AGK: variants seen among roughly 807,000 people sequenced by gnomAD.
The protein encoded by AGK is acylglycerol kinase, also known as acylglycerol kinase, mitochondrial.
In AGK, 52 loss-of-function variants were observed where a neutral mutation model predicts 66.4. That is an observed-to-expected ratio of 0.78 (90% confidence interval 0.63 to 0.99). AGK has a LOEUF of 0.99. Among genes scored for constraint, AGK ranks in the 50% least tolerant of loss-of-function variants. The pLI is 0.00. For missense variants in AGK, 451 were observed against 506.6 expected, an observed-to-expected ratio of 0.89 and a Z score of 1.05; for synonymous variants, 182 against 181.1, an observed-to-expected ratio of 1.00 and a Z score of -0.04.
chr7:141,615,175 A>G (rs1226738233), intron 7 of AGK, among the ~76,000 whole-genome samples: 2 of 152,242 alleles, frequency 1.3e-5, no homozygotes, highest in African/African-American at 4.8e-5. Flanking sequence ...GCACTAGTGC[A>G]TTGATATATT....
intron 2 of AGK, among the ~76,000 whole-genome samples, chr7:141,579,038 T>C (rs541305721): frequency 6.6e-6 from 1 of 152,152 alleles, no homozygotes; most frequent in South Asian, 2.1e-4. Context: ...GGAGTATGAC[T>C]AGACAGAAGA....
At chr7:141,600,296 A>T (rs1796315984) in intron 4 of AGK, among the ~76,000 whole-genome samples, 1 of 152,122 alleles carries the variant, frequency 6.6e-6, no homozygotes, top group Admixed American at 6.6e-5. Context: ...TGACTTTGAG[A>T]CTATGCCATT....
At chr7:141,630,595 C>T (rs376073627) in intron 9 of AGK, among the ~76,000 whole-genome samples, 7 of 152,234 alleles carry the variant, frequency 4.6e-5, no homozygotes, top group African/African-American at 1.4e-4. Context: ...ATCTCCTTAG[C>T]TCCCCCCACC....
At chr7:141,581,011 A>G (rs774640590) in intron 2 of AGK, among the ~76,000 whole-genome samples, 20 of 151,960 alleles carry the variant, frequency 1.3e-4, no homozygotes, top group Non-Finnish European at 2.5e-4. Context: ...TCCAAAGGCG[A>G]AAGTGTCCAA....
intron 2 of AGK, among the ~76,000 whole-genome samples, chr7:141,586,494 C>T (rs1795997393): frequency 6.6e-6 from 1 of 152,078 alleles, no homozygotes; most frequent in Non-Finnish European, 1.5e-5. Context: ...TACCAAGTAC[C>T]CTCTATCTAC....
chr7:141,564,261 G>C (rs569814799), intron 2 of AGK, among the ~76,000 whole-genome samples: 7 of 152,230 alleles, frequency 4.6e-5, no homozygotes, highest in African/African-American at 1.7e-4. Flanking sequence ...TTGTTCTCAT[G>C]CTTCTAATAA....
chr7:141,649,295 A>C lies in AGK; in HGVS notation c.1008A>C (p.Glu336Asp). Residue 336 changes from glutamate to aspartate, a missense_variant, in exon 14 of 16, where the codon GAA becomes GAC. By Grantham distance (45) the Glu-to-Asp change is conservative. Coordinates refer to ENST00000649286, the MANE Select transcript of AGK (RefSeq NM_018238.4). ...SKEDFLNICIEPDTISKGDFI... is the reference protein window; with the variant it reads ...SKEDFLNICIDPDTISKGDFI... ...AAGATTTTCTGAATATCTGCATTGAACCTGACACCATCAGCAAAGGAGACT... is the reference window on the plus strand; with the variant it reads ...AAGATTTTCTGAATATCTGCATTGACCCTGACACCATCAGCAAAGGAGACT... 6.2e-7 allele frequency: 1 copy of C among 1,613,830 alleles called. No individual in the cohort carries two copies. The highest frequency in any genetic ancestry group is 1.7e-5 in the Admixed American group (1 of 60,016).
At chr7:141,577,899 A>G (rs1217506509) in intron 2 of AGK, among the ~76,000 whole-genome samples, 2 of 149,024 alleles carry the variant, frequency 1.3e-5, no homozygotes, top group African/African-American at 2.5e-5. Context: ...GCTCACTGCA[A>G]CCTCCCAGGT....
chr7:141,650,643 T>A lies in AGK; in HGVS notation c.1047-882T>A, dbSNP rs181378682. 6 of 985,450 alleles carry A rather than the reference T, an allele frequency of 6.1e-6. No individual in the cohort carries two copies. The East Asian group carries it at 5.7e-4, about 93-fold the overall frequency. 61.0% of individuals were successfully genotyped at this position (985,450 alleles called of 1,614,324 possible). ...GTATTTCCACTGCCTAAAAGATACA[T>A]CTGCATGAGGTGGAGTGTGTGTCTG... On this transcript the variant is annotated intron_variant, in intron 14 of 15. Transcript: ENST00000649286.
At chr7:141,600,887 T>C (rs1796325729) in intron 4 of AGK, among the ~76,000 whole-genome samples, 1 of 152,178 alleles carries the variant, frequency 6.6e-6, no homozygotes, top group Non-Finnish European at 1.5e-5. Flanking sequence ...GAATCAAGCA[T>C]TGTTGCCTGA....
rs1373905406 is a variant in AGK at position 141,601,260 on chromosome 7, A to G, written c.277A>G (p.Met93Val). ...TGCCCCGATTTTACATTTATCTGGC[A>G]TGGATGTGACTATTGTTAAGGTAAG... ...NAAPILHLSG[M>V]DVTIVKTDYE... The change falls in exon 5 of 16, where the codon ATG becomes GTG. Residue 93 changes from methionine (M) to valine (V), a missense_variant. Met to Val is a conservative substitution (Grantham distance 21). Transcript: ENST00000649286. The G allele has an allele frequency of 1.2e-6, 2 of 1,612,982 alleles. No individual in the cohort carries two copies. The highest frequency in any genetic ancestry group is 3.3e-4 in the Middle Eastern group (2 of 6,050).
chr7:141,611,756 C>G (rs958707495), intron 6 of AGK, among the ~76,000 whole-genome samples: 24 of 152,114 alleles, frequency 1.6e-4, no homozygotes, highest in Non-Finnish European at 3.2e-4. Flanking sequence ...ATACATGCAT[C>G]TGCTTTTGTT....
At chr7:141,615,754 T>C (rs1796689554) in intron 8 of AGK, 189 bp downstream of exon 8, 1 of 584,914 alleles carries the variant, frequency 1.7e-6, no homozygotes, top group Non-Finnish European at 3.1e-6. Flanking sequence ...GGGACTCTTA[T>C]AATAAGTCTC....
intron 4 of AGK, among the ~76,000 whole-genome samples, chr7:141,597,890 CAAAAAAAAAA>C (rs56295907): frequency 2.8e-5 from 2 of 71,432 alleles, no homozygotes; most frequent in African/African-American, 1.5e-4. Context: ...GACTCTGTCT[CAAAAAAAAAA>C]AAAAAAAAAA....
In AGK at chr7:141,649,329, A is replaced by G. The variant is rs1430812722; in HGVS notation, c.1042A>G (p.Ile348Val). 12 of 1,610,194 alleles carry G rather than the reference A, an allele frequency of 7.5e-6. No homozygotes were observed. The highest frequency in any genetic ancestry group is 1.0e-5 in the Non-Finnish European group (12 of 1,176,700). Residue 348 changes from isoleucine to valine, a missense_variant, in exon 14 of 16, where the codon ATA becomes GTA. Transcript: ENST00000649286. ...DTISKGDFIT[I>V]GSRKVRNPKL... is the part of the protein sequence containing the mutation. ...CATCAGCAAAGGAGACTTTATAACT[A>G]TAGGGTAAGTGGACTGGGGTTCACA...
At chr7:141,567,354 T>G (rs974565820) in intron 2 of AGK, among the ~76,000 whole-genome samples, 18 of 152,364 alleles carry the variant, frequency 1.2e-4, no homozygotes, top group African/African-American at 4.3e-4. Flanking sequence ...TGACCCCTTT[T>G]GATTACTGCT....
At chr7:141,633,012 G>A (rs548418045) in intron 9 of AGK, among the ~76,000 whole-genome samples, 4 of 152,290 alleles carry the variant, frequency 2.6e-5, no homozygotes, top group South Asian at 2.1e-4. Context: ...TCTAGGCAGC[G>A]ACTTGCACTG....
At chr7:141,582,207 C>T (rs531319600) in intron 2 of AGK, among the ~76,000 whole-genome samples, 10 of 152,108 alleles carry the variant, frequency 6.6e-5, no homozygotes, top group African/African-American at 1.9e-4. Flanking sequence ...TCCCGGGCTG[C>T]GGACATTCCT....
At chr7:141,624,718 A>G (rs1587140976) in intron 9 of AGK, among the ~76,000 whole-genome samples, 2 of 152,240 alleles carry the variant, frequency 1.3e-5, no homozygotes, top group Non-Finnish European at 2.9e-5. Context: ...ATTTCTTGAC[A>G]TGGAATGTAA....
Sources: allele counts gnomAD v4.1 joint callset (sites outside exome capture counted in the v4.1 genomes callset), GRCh38; gene constraint gnomAD v4.1.1; transcripts MANE v1.5; gene names NCBI Gene and HGNC (gene_info 2026-07-23, HGNC 2026-07-21).